Variants in CSMD1 observed in about 807,000 individuals in gnomAD.
CSMD1 encodes the protein CUB and Sushi multiple domains 1, also known as CUB and sushi domain-containing protein 1.
Under a neutral mutation model 417.5 loss-of-function variants are expected in CSMD1, and 213 were observed. That is an observed-to-expected ratio of 0.51 (90% CI 0.46 to 0.57). CSMD1 has a LOEUF of 0.57. Among genes scored for constraint, CSMD1 ranks in the 20% least tolerant of loss-of-function variants. CSMD1 has a pLI of 0.00. For synonymous variants in CSMD1, 2,862 were observed against 1,736.8 expected (o/e 1.65, Z -16.11); for missense variants, 6,923 against 4,529.7 (o/e 1.53, Z -15.17).
chr8:4,547,094 C>T (rs1168842051), intron 2 of CSMD1, among the ~76,000 whole-genome samples: 1 of 152,136 alleles, frequency 6.6e-6, no homozygotes, highest in African/African-American at 2.4e-5. Context: ...TTCATAGTCA[C>T]CTAAAATTCA....
chr8:3,965,258 G>C (rs1018578043), intron 5 of CSMD1, among the ~76,000 whole-genome samples: 1 of 152,152 alleles, frequency 6.6e-6, no homozygotes, highest in African/African-American at 2.4e-5. Flanking sequence ...TCAGCCTTTG[G>C]TCTCCTCCCT....
chr8:3,946,134 T>C (rs933227205), intron 5 of CSMD1, among the ~76,000 whole-genome samples: 3 of 152,118 alleles, frequency 2.0e-5, no homozygotes, highest in East Asian at 1.9e-4. Flanking sequence ...ATGCACATGA[T>C]CTCACATAAT....
chr8:3,748,884 G>A (rs1007214912), intron 6 of CSMD1, among the ~76,000 whole-genome samples: 2 of 152,064 alleles, frequency 1.3e-5, no homozygotes, highest in Non-Finnish European at 2.9e-5. Flanking sequence ...CCACTGTCAG[G>A]GTTTCCCTTG....
intron 4 of CSMD1, among the ~76,000 whole-genome samples, chr8:4,030,694 T>G (rs971333362): frequency 1.3e-5 from 2 of 152,218 alleles, no homozygotes; most frequent in Non-Finnish European, 2.9e-5. Flanking sequence ...CTTATACAAA[T>G]TTCTGCAGTT....
At chr8:4,441,076 T>C (rs1475236597) in intron 2 of CSMD1, among the ~76,000 whole-genome samples, 1 of 138,626 alleles carries the variant, frequency 7.2e-6, no homozygotes, top group Non-Finnish European at 1.5e-5. Flanking sequence ...TCCTAATAAT[T>C]TGACTCGTTA....
At chr8:3,990,193 G>C (rs1229687065) in intron 5 of CSMD1, among the ~76,000 whole-genome samples, 3 of 152,172 alleles carry the variant, frequency 2.0e-5, no homozygotes. Flanking sequence ...AAAGAAAGAA[G>C]TGTGATTACA....
chr8:4,034,186 T>A (rs1371015002), intron 3 of CSMD1, among the ~76,000 whole-genome samples: 6 of 152,208 alleles, frequency 3.9e-5, no homozygotes, highest in Non-Finnish European at 7.3e-5. Context: ...GGAATAGGAA[T>A]CATCTATTTC....
At chr8:3,322,593 T>A (rs527403696) in intron 23 of CSMD1, among the ~76,000 whole-genome samples, 1 of 152,252 alleles carries the variant, frequency 6.6e-6, no homozygotes, top group South Asian at 2.1e-4. Context: ...TTGGCCAGAA[T>A]GTATAATGCA....
intron 5 of CSMD1, among the ~76,000 whole-genome samples, chr8:3,771,980 C>T (rs1798597408): frequency 6.6e-6 from 1 of 151,846 alleles, no homozygotes; most frequent in Admixed American, 6.6e-5. Context: ...CAGCATTTAT[C>T]CAATTCTGGG....
intron 26 of CSMD1, among the ~76,000 whole-genome samples, chr8:3,234,710 G>C (rs1319641678): frequency 2.0e-5 from 3 of 152,192 alleles, no homozygotes; most frequent in African/African-American, 7.2e-5. Context: ...CTTACAGTTA[G>C]AAAGTCACGA....
intron 1 of CSMD1, among the ~76,000 whole-genome samples, chr8:4,681,484 C>G (rs1806048141): frequency 6.6e-6 from 1 of 152,134 alleles, no homozygotes; most frequent in Non-Finnish European, 1.5e-5. Flanking sequence ...ATGGTGAGCA[C>G]AAATGATGTC....
At chr8:3,375,293 T>C (rs1810232998) in intron 18 of CSMD1, 1 of 152,242 alleles carries the variant, frequency 6.6e-6, no homozygotes, top group Non-Finnish European at 1.5e-5. Context: ...TGTTTCAGGT[T>C]ATTTTTGTCT....
intron 1 of CSMD1, among the ~76,000 whole-genome samples, chr8:4,802,865 C>T (rs1377646275): frequency 6.6e-6 from 1 of 152,148 alleles, no homozygotes; most frequent in Admixed American, 6.5e-5. Context: ...CTTAGAGATG[C>T]AAATATCATG....
intron 11 of CSMD1, among the ~76,000 whole-genome samples, chr8:3,475,741 A>T (rs1289171510): frequency 6.6e-6 from 1 of 152,184 alleles, no homozygotes; most frequent in Non-Finnish European, 1.5e-5. Context: ...TATTTCTCCA[A>T]TTTCAAGTAT....
Position 4,530,032 on chromosome 8 carries a change from A to C in CSMD1, c.302+107310T>G, listed in dbSNP as rs966499781. Among the ~76,000 whole-genome samples, 7 of 151,986 alleles carry C rather than the reference A, an allele frequency of 4.6e-5. No individual in the cohort carries two copies. The East Asian group carries it at 1.4e-3, about 29-fold the overall frequency. On this transcript the variant is annotated intron_variant, in intron 2 of 69. Coordinates refer to ENST00000635120, the MANE Select transcript of CSMD1 (RefSeq NM_033225.6). ...CGGGTTCATGCCATTTTCCTGCCTC[A>C]GCCTCCAGAGTAGCTGGGACTACAG...
At chr8:4,304,894 A>G (rs1226577181) in intron 3 of CSMD1, among the ~76,000 whole-genome samples, 1 of 152,124 alleles carries the variant, frequency 6.6e-6, no homozygotes. Flanking sequence ...AATCTATCAA[A>G]ATATATATTA....
At chr8:3,120,582 C>T (rs996816670) in intron 41 of CSMD1, among the ~76,000 whole-genome samples, 1 of 152,030 alleles carries the variant, frequency 6.6e-6, no homozygotes, top group Non-Finnish European at 1.5e-5. Context: ...GGCTCGGTGG[C>T]TCATGCTTGT....
intron 10 of CSMD1, among the ~76,000 whole-genome samples, chr8:3,535,947 G>A (rs1275575819): frequency 6.6e-6 from 1 of 152,116 alleles, no homozygotes; most frequent in Non-Finnish European, 1.5e-5. Context: ...GCCCCCACCA[G>A]TCGGTTACAG....
chr8:4,374,973 G>GC (rs1554450666), intron 3 of CSMD1, among the ~76,000 whole-genome samples: 3 of 124,118 alleles, frequency 2.4e-5, no homozygotes, highest in Admixed American at 1.7e-4. Flanking sequence ...GGGGGGGGGG[G>GC]CGATAGTGGG....
Sources: allele counts gnomAD v4.1 joint callset (sites outside exome capture counted in the v4.1 genomes callset), GRCh38; gene constraint gnomAD v4.1.1; transcripts MANE v1.5; gene names NCBI Gene and HGNC (gene_info 2026-07-23, HGNC 2026-07-21).